Variants in OSBP2 observed in about 807,000 individuals in gnomAD.
OSBP2 encodes the protein oxysterol-binding protein 2.
OSBP2 carries 66 observed loss-of-function variants against 96.0 expected under a neutral mutation model. The ratio of observed to expected loss-of-function variants is 0.69; its 90% confidence interval spans 0.56 to 0.84. The LOEUF (loss-of-function observed/expected upper bound fraction) is 0.84, where lower values mean the gene tolerates loss of function less well. Among genes scored for constraint, OSBP2 ranks in the 40% least tolerant of loss-of-function variants. The pLI is 0.00. For missense variants in OSBP2, 1,038 were observed against 1,222.7 expected (o/e 0.85, Z 2.25); for synonymous variants, 525 against 520.9 (o/e 1.01, Z -0.11).
chr22:30,899,174 A>G (rs2040134223), intron 12 of OSBP2, among the ~76,000 whole-genome samples: 1 of 152,036 alleles, frequency 6.6e-6, no homozygotes. Flanking sequence ...TAAGCCCATG[A>G]GTTCAAGACC....
intron 2 of OSBP2, among the ~76,000 whole-genome samples, chr22:30,769,859 A>T (rs136331): frequency 7.2e-5 from 11 of 152,014 alleles, no homozygotes; most frequent in African/African-American, 2.4e-4. Context: ...ATAGACAGTG[A>T]TATGGTTTGG....
intron 2 of OSBP2, among the ~76,000 whole-genome samples, chr22:30,759,158 G>A (rs909633550): frequency 1.3e-5 from 2 of 152,046 alleles, no homozygotes; most frequent in Non-Finnish European, 2.9e-5. Context: ...GACCAGCCTG[G>A]CCAACACGGT....
At position 30,894,038 on chromosome 22, in the gene OSBP2, G is replaced by A. The variant is rs1430294661; in HGVS notation, c.2375+37G>A. 9.7e-6 allele frequency: 15 copies of A among 1,545,590 alleles called. No homozygotes were observed. The South Asian group carries it at 1.8e-4, about 18-fold the overall frequency. On this transcript the variant is annotated intron_variant, in intron 12 of 13. Transcript: ENST00000332585. ...TGGCAGGGGCCCCGCCACAGGCAAAGGAGAGGGAAGGAGGACAGTGGACAG... is the reference window on the plus strand; with the variant it reads ...TGGCAGGGGCCCCGCCACAGGCAAAAGAGAGGGAAGGAGGACAGTGGACAG...
intron 2 of OSBP2, among the ~76,000 whole-genome samples, chr22:30,766,769 A>G (rs1602234624): frequency 6.6e-6 from 1 of 152,158 alleles, no homozygotes; most frequent in East Asian, 1.9e-4. Context: ...TATGGCCAGG[A>G]AGGGGAGTAC....
At chr22:30,891,395 C>T (rs2039944346) in intron 8 of OSBP2, among the ~76,000 whole-genome samples, 1 of 152,190 alleles carries the variant, frequency 6.6e-6, no homozygotes, top group South Asian at 2.1e-4. Flanking sequence ...AGCCTGTCCC[C>T]ACCACCCCTT....
rs148884234 is a variant in OSBP2, at chr22:30,859,076, G to A, written c.854-11353G>A. The stretch of plus-strand genomic sequence containing the variant: ...TTCCTAGTGGCGGAACCCTTTCCCC[G>A]CCAGGGCCCTCTGTCTCAGCTTGCG... On this transcript the variant is annotated intron_variant, in intron 2 of 13. Transcript: ENST00000332585. Among the ~76,000 whole-genome samples the A allele has an allele frequency of 4.8e-3, 726 of 151,822 alleles. 10 individuals are homozygous for A. The highest frequency in any genetic ancestry group is 8.3e-3 in the Non-Finnish European group (562 of 67,896).
intron 1 of OSBP2, among the ~76,000 whole-genome samples, chr22:30,718,804 C>A (rs2089501536): frequency 6.6e-6 from 1 of 152,170 alleles, no homozygotes; most frequent in South Asian, 2.1e-4. Flanking sequence ...TGGGCCCTTG[C>A]TCCTGAGCCC....
intron 2 of OSBP2, among the ~76,000 whole-genome samples, chr22:30,856,710 C>A (rs946071249): frequency 6.6e-6 from 1 of 151,578 alleles, no homozygotes; most frequent in Non-Finnish European, 1.5e-5. Flanking sequence ...TTTTGAGGAA[C>A]AATTATTCAC....
intron 2 of OSBP2, among the ~76,000 whole-genome samples, chr22:30,864,608 C>G (rs2039291613): frequency 6.6e-6 from 1 of 152,084 alleles, no homozygotes. Flanking sequence ...CCGCCCAGGA[C>G]CCCGTGAGTG....
At position 30,870,354 on chromosome 22, in the gene OSBP2, C is replaced by T. The variant is rs2039431943; in HGVS notation, c.854-75C>T. ...GAATGGCGCTATCCACCCTGCCCTG[C>T]TCGGCCTGGCTGTGCAGGCCTCTTG... is the stretch of plus-strand genomic sequence containing the variant. On this transcript the variant is annotated intron_variant, in intron 2 of 13. Coordinates refer to ENST00000332585, the MANE Select transcript of OSBP2 (RefSeq NM_030758.4). This position sits in a 1 kb window ranked among gnomAD's most constrained non-coding sequence, Gnocchi z 4.1. The T allele has an allele frequency of 6.7e-7, 1 of 1,491,610 alleles. No individual in the cohort carries two copies. Among genetic ancestry groups the T allele is most frequent in the Non-Finnish European group, 9.2e-7 (1 of 1,085,928 alleles). The allele number at this position is 1,491,610 out of a possible 1,614,324, so 92.4% of individuals were successfully genotyped here.
chr22:30,709,472 T>C (rs1482781948), intron 1 of OSBP2, among the ~76,000 whole-genome samples: 1 of 152,136 alleles, frequency 6.6e-6, no homozygotes, highest in African/African-American at 2.4e-5. Flanking sequence ...TGTTAGCAGC[T>C]AGTGATGATC....
chr22:30,787,425 C>T (rs1007588619), intron 2 of OSBP2, among the ~76,000 whole-genome samples: 1 of 152,056 alleles, frequency 6.6e-6, no homozygotes, highest in Non-Finnish European at 1.5e-5. Flanking sequence ...GTAATCTCAG[C>T]ACTTTGGGAG....
upstream of OSBP2, chr22:30,694,261 G>A (rs1341047277): frequency 7.1e-6 from 11 of 1,549,834 alleles, no homozygotes; most frequent in Non-Finnish European, 8.7e-6. Context: ...TGAACCGTAG[G>A]CCAGCTGGCT....
chr22:30,906,297 C>G lies in OSBP2; in HGVS notation c.2709C>G (p.Ala903=). The G allele has an allele frequency of 6.2e-7, 1 of 1,613,474 alleles. No individual in the cohort carries two copies. Among genetic ancestry groups the G allele is most frequent in the Non-Finnish European group, 8.5e-7 (1 of 1,179,640 alleles). Residue 903 remains alanine (A), a synonymous_variant, in exon 14 of 14, where the codon GCC becomes GCG. Transcript: ENST00000332585. ...ACVYKGGYWE[A]KEKQDWHMCP... The stretch of plus-strand genomic sequence containing the variant: ...TGTACAAGGGCGGCTACTGGGAGGC[C>G]AAGGAGAAGCAAGACTGGCATATGT...
chr22:30,822,520 G>GTCCGCCGCC, intron 2 of OSBP2: 2 of 1,375,148 alleles, frequency 1.5e-6, no homozygotes, highest in Non-Finnish European at 1.9e-6. Context: ...ACCCACGAGT[G>GTCCGCCGCC]TCCGCCGCCT....
intron 1 of OSBP2, among the ~76,000 whole-genome samples, chr22:30,736,979 C>A (rs1401351815): frequency 6.6e-6 from 1 of 152,218 alleles, no homozygotes; most frequent in African/African-American, 2.4e-5. Context: ...CCACCCTGTG[C>A]AAGTCACTTC....
In OSBP2 at chr22:30,871,564, G is replaced by A. The variant is rs146742496; in HGVS notation, c.1107+882G>A. ...GAGGAGCTGTACAGAAATGGAGGCC[G>A]CAGAGGAAGAAGTGAGGTCCAGAGA... is the stretch of plus-strand genomic sequence containing the variant. On this transcript the variant is annotated intron_variant, in intron 3 of 13. Transcript: ENST00000332585. The surrounding 1 kb of genome is among the most constrained non-coding windows in gnomAD (Gnocchi z 4.7). Among the ~76,000 whole-genome samples, 395 of 152,304 alleles carry A rather than the reference G, an allele frequency of 2.6e-3. No homozygotes were observed. Among genetic ancestry groups the A allele is most frequent in the Non-Finnish European group, 4.5e-3 (306 of 68,014 alleles).
intron 1 of OSBP2, among the ~76,000 whole-genome samples, chr22:30,735,016 C>G (rs2145729554): frequency 1.3e-5 from 2 of 152,170 alleles, no homozygotes; most frequent in East Asian, 3.9e-4. Context: ...CATAGTGAGA[C>G]CTTGTCTCTA....
At chr22:30,857,869 C>A (rs990037451) in intron 2 of OSBP2, among the ~76,000 whole-genome samples, 32 of 152,150 alleles carry the variant, frequency 2.1e-4, no homozygotes, top group Non-Finnish European at 1.6e-4. Flanking sequence ...AAGAGGTTTC[C>A]CCTCAGCAGG....
Sources: allele counts gnomAD v4.1 joint callset (sites outside exome capture counted in the v4.1 genomes callset), GRCh38; gene constraint gnomAD v4.1.1; non-coding constraint Gnocchi (gnomAD v3.1); transcripts MANE v1.5; gene names NCBI Gene and HGNC (gene_info 2026-07-23, HGNC 2026-07-21).